Variants in SDHC observed in about 807,000 individuals in gnomAD.
The protein encoded by SDHC is succinate dehydrogenase complex subunit C.
A neutral mutation model predicts 22.6 loss-of-function variants in SDHC; 11 were observed. The observed-to-expected ratio is 0.49, with a 90% confidence interval of 0.31 to 0.81. SDHC has a LOEUF of 0.81. Among genes scored for constraint, SDHC ranks in the 30% least tolerant of loss-of-function variants. The pLI is 0.05. For missense variants in SDHC, 160 were observed against 212.0 expected, an observed-to-expected ratio of 0.75 and a Z score of 1.52; for synonymous variants, 80 against 77.8, an observed-to-expected ratio of 1.03 and a Z score of -0.15.
At chr1:161,332,051 C>T (rs750559991) in intron 3 of SDHC, among the ~76,000 whole-genome samples, 1 of 151,910 alleles carries the variant, frequency 6.6e-6, no homozygotes, top group Non-Finnish European at 1.5e-5. Context: ...GATCATAGCT[C>T]GTTGTAACCT....
intron 3 of SDHC, among the ~76,000 whole-genome samples, chr1:161,335,378 T>C (rs912478788): frequency 3.3e-5 from 5 of 152,196 alleles, no homozygotes; most frequent in African/African-American, 1.2e-4. Flanking sequence ...AAATATTCTT[T>C]CTCATCAGAT....
chr1:161,337,059 G>GA (rs1671517401), intron 3 of SDHC, among the ~76,000 whole-genome samples: 1 of 109,926 alleles, frequency 9.1e-6, no homozygotes, highest in East Asian at 3.1e-4. Context: ...TTGTAGAAAT[G>GA]GGTTTTTTTT....
chr1:161,362,052 G>C lies in SDHC; in HGVS notation c.406-277G>C, dbSNP rs145509929. On this transcript the variant is annotated intron_variant, in intron 5 of 5. Transcript: ENST00000367975. ...GTATCTATTCATTCTGGAAGCTTTTGTATACCGTATGGGGCCTGTGGCATT... is the reference window on the plus strand; with the variant it reads ...GTATCTATTCATTCTGGAAGCTTTTCTATACCGTATGGGGCCTGTGGCATT... 2.5e-4 allele frequency among the ~76,000 whole-genome samples: 38 copies of C among 152,042 alleles called. 1 individual carries two copies. The highest frequency in any genetic ancestry group is 8.0e-4 in the African/African-American group (33 of 41,466).
At chr1:161,314,556 G>C (rs1333237403) in intron 1 of SDHC, 131 bp downstream of exon 1, 2 of 1,115,832 alleles carry the variant, frequency 1.8e-6, no homozygotes, top group African/African-American at 1.5e-5. Flanking sequence ...GAGGCCAAGC[G>C]CTCGGGGATC....
Position 161,362,613 on chromosome 1 carries a change from G to T in SDHC, c.*180G>T. ...GACCATAATAGTGGAAAAGGGTCTAGTTTTCCCCTTGTTTCTAAAGATGAG... is the reference window on the plus strand; with the variant it reads ...GACCATAATAGTGGAAAAGGGTCTATTTTTCCCCTTGTTTCTAAAGATGAG... On this transcript the variant is annotated 3_prime_UTR_variant, in exon 6 of 6. Transcript: ENST00000367975. 6.3e-7 allele frequency: 1 copy of T among 1,599,986 alleles called. No homozygotes were observed. Among genetic ancestry groups the T allele is most frequent in the Non-Finnish European group, 8.5e-7 (1 of 1,172,910 alleles).
chr1:161,335,525 C>CT (rs1012476127), intron 3 of SDHC, among the ~76,000 whole-genome samples: 88 of 152,080 alleles, frequency 5.8e-4, no homozygotes, highest in African/African-American at 1.9e-3. Context: ...GTAAAGCTTG[C>CT]TTTTTTTATC....
chr1:161,319,673 C>G (rs940007385), intron 1 of SDHC, among the ~76,000 whole-genome samples: 1 of 152,132 alleles, frequency 6.6e-6, no homozygotes, highest in African/African-American at 2.4e-5. Flanking sequence ...TCTCAACCTC[C>G]TGACCTCAAG....
At chr1:161,314,623 G>C (rs1670534949) in intron 1 of SDHC, 198 bp downstream of exon 1, 3 of 629,976 alleles carry the variant, frequency 4.8e-6, no homozygotes, top group Non-Finnish European at 8.4e-6. Flanking sequence ...GTAGGGCTTC[G>C]GGGTCACTGA....
chr1:161,335,231 G>A lies in SDHC; in HGVS notation c.180-5363G>A, dbSNP rs114187019. 2.3e-3 allele frequency among the ~76,000 whole-genome samples: 349 copies of A among 152,278 alleles called. 1 individual carries two copies. The highest frequency in any genetic ancestry group is 8.2e-3 in the African/African-American group (342 of 41,562). On this transcript the variant is annotated intron_variant, in intron 3 of 5. Transcript: ENST00000367975. The stretch of plus-strand genomic sequence containing the variant: ...ATTGTATCAGGAGGCATGTGCTAAT[G>A]ATTTATCCCATTACTGGTGATGTTA...
chr1:161,317,672 C>G (rs965467637), intron 1 of SDHC, among the ~76,000 whole-genome samples: 11 of 149,020 alleles, frequency 7.4e-5, no homozygotes, highest in Admixed American at 4.7e-4. Flanking sequence ...AGCGATTCTC[C>G]TGGCTCAGCC....
intron 4 of SDHC, among the ~76,000 whole-genome samples, chr1:161,346,251 C>T (rs1671893573): frequency 6.6e-6 from 1 of 152,180 alleles, no homozygotes; most frequent in African/African-American, 2.4e-5. Flanking sequence ...TCACTTTGCT[C>T]ATAGTGGTCA....
At chr1:161,326,691 T>C (rs1211516465) in intron 2 of SDHC, 2 of 151,314 alleles carry the variant, frequency 1.3e-5, no homozygotes, top group Non-Finnish European at 2.9e-5. Flanking sequence ...AGTGGCGTGA[T>C]CTGGGCTCAC....
At chr1:161,324,425 T>G (rs1188090292) in intron 2 of SDHC, among the ~76,000 whole-genome samples, 1 of 152,278 alleles carries the variant, frequency 6.6e-6, no homozygotes, top group African/African-American at 2.4e-5. Context: ...ATTCTCAGCC[T>G]GTTGATGTCA....
intron 3 of SDHC, among the ~76,000 whole-genome samples, chr1:161,335,052 T>A (rs1448839244): frequency 1.3e-5 from 2 of 152,250 alleles, no homozygotes; most frequent in Non-Finnish European, 1.5e-5. Context: ...ATGTCTCTTT[T>A]TCCTGCAGTA....
chr1:161,318,984 C>G (rs557502629), intron 1 of SDHC, among the ~76,000 whole-genome samples: 4 of 152,318 alleles, frequency 2.6e-5, no homozygotes, highest in African/African-American at 9.6e-5. Context: ...GCGGAGGTTG[C>G]AGTGAGCCAA....
At chr1:161,329,848 C>T (rs1671212560) in intron 3 of SDHC, among the ~76,000 whole-genome samples, 1 of 152,120 alleles carries the variant, frequency 6.6e-6, no homozygotes, top group Non-Finnish European at 1.5e-5. Flanking sequence ...TTATGGCATT[C>T]TTTTTCTATT....
intron 1 of SDHC, among the ~76,000 whole-genome samples, chr1:161,319,572 G>A (rs528495655): frequency 7.2e-5 from 11 of 151,852 alleles, no homozygotes; most frequent in South Asian, 4.2e-4. Flanking sequence ...TCAGCCACCC[G>A]GGTAGCTGGC....
chr1:161,324,528 A>T (rs1670978961), intron 2 of SDHC, among the ~76,000 whole-genome samples: 1 of 152,236 alleles, frequency 6.6e-6, no homozygotes, highest in Non-Finnish European at 1.5e-5. Context: ...ATGAAGTTCT[A>T]CATATCTTTC....
chr1:161,338,413 TA>T (rs1238568827), intron 3 of SDHC, among the ~76,000 whole-genome samples: 1 of 152,256 alleles, frequency 6.6e-6, no homozygotes, highest in Admixed American at 6.5e-5. Context: ...TTATGCTTAG[TA>T]TTCTTTGTCT....
Sources: allele counts gnomAD v4.1 joint callset (sites outside exome capture counted in the v4.1 genomes callset), GRCh38; gene constraint gnomAD v4.1.1; transcripts MANE v1.5; gene names NCBI Gene and HGNC (gene_info 2026-07-23, HGNC 2026-07-21).